Variants in SOX6 observed in about 807,000 individuals in gnomAD.
SOX6 encodes the protein transcription factor SOX-6.
Under a neutral mutation model 97.8 loss-of-function variants are expected in SOX6, and 11 were observed. The ratio of observed to expected loss-of-function variants is 0.11; its 90% CI spans 0.07 to 0.19. The LOEUF (loss-of-function observed/expected upper bound fraction) is 0.19. Ranked by LOEUF, SOX6 falls within the 10% of genes least tolerant of loss-of-function variation. The pLI, the probability that SOX6 is intolerant of heterozygous loss-of-function variation, is 1.00. For missense variants in SOX6, 810 were observed against 1,039.5 expected (o/e 0.78, Z 3.04); for synonymous variants, 360 against 371.4 (o/e 0.97, Z 0.35).
At chr11:16,048,800 G>C (rs1201120609) in intron 11 of SOX6, among the ~76,000 whole-genome samples, 1 of 151,968 alleles carries the variant, frequency 6.6e-6, no homozygotes, top group Non-Finnish European at 1.5e-5. Flanking sequence ...ATCTGTGTCT[G>C]TTTGGAAATT....
At chr11:15,997,144 T>C (rs1281919406) in intron 13 of SOX6, among the ~76,000 whole-genome samples, 2 of 152,110 alleles carry the variant, frequency 1.3e-5, no homozygotes, top group African/African-American at 4.8e-5. Flanking sequence ...AAAATGAACA[T>C]ATTTGTTGAA....
At chr11:16,462,529 A>G (rs1022596738) in intron 1 of SOX6, among the ~76,000 whole-genome samples, 14 of 152,240 alleles carry the variant, frequency 9.2e-5, no homozygotes, top group Non-Finnish European at 1.8e-4. Flanking sequence ...GGCAGAGTAA[A>G]GTTTTTTTAA....
At chr11:16,437,368 T>C (rs947991519) in intron 1 of SOX6, among the ~76,000 whole-genome samples, 1 of 152,072 alleles carries the variant, frequency 6.6e-6, no homozygotes, top group Non-Finnish European at 1.5e-5. Context: ...AGTCAGTATA[T>C]ATTTTCCCAT....
At chr11:16,496,786 T>C (rs933155871) in intron 4 of SOX6, among the ~76,000 whole-genome samples, 1 of 152,144 alleles carries the variant, frequency 6.6e-6, no homozygotes, top group Non-Finnish European at 1.5e-5. Context: ...CACACACCAC[T>C]GCTGAGGCTT....
chr11:16,145,806 A>G (rs1354453831), intron 6 of SOX6, among the ~76,000 whole-genome samples: 1 of 152,196 alleles, frequency 6.6e-6, no homozygotes, highest in Admixed American at 6.5e-5. Flanking sequence ...GATGTGAAGG[A>G]CCTCTTCAAG....
chr11:16,260,258 C>A (rs1194949094), intron 3 of SOX6, among the ~76,000 whole-genome samples: 2 of 152,076 alleles, frequency 1.3e-5, no homozygotes, highest in Non-Finnish European at 2.9e-5. Flanking sequence ...CCTCGGCCTC[C>A]CAAAGTGCTG....
intron 6 of SOX6, among the ~76,000 whole-genome samples, chr11:16,129,466 G>C (rs536341458): frequency 6.6e-6 from 1 of 151,820 alleles, no homozygotes; most frequent in Admixed American, 6.6e-5. Context: ...AAAATATACA[G>C]AGCTTTACAA....
intron 4 of SOX6, among the ~76,000 whole-genome samples, chr11:16,523,791 TA>T (rs1165433019): frequency 3.3e-5 from 5 of 152,034 alleles, no homozygotes; most frequent in Admixed American, 1.3e-4. Flanking sequence ...TAAAAAGTGA[TA>T]AAGGGGATAT....
At chr11:16,091,185 A>C (rs911000069) in intron 9 of SOX6, among the ~76,000 whole-genome samples, 3 of 152,236 alleles carry the variant, frequency 2.0e-5, no homozygotes, top group South Asian at 2.1e-4. Flanking sequence ...GAAAAGAGTC[A>C]GAAGGGTGAG....
rs747052915 is a variant in SOX6, at chr11:15,971,900, T to A, written c.*909A>T. 1.3e-5 allele frequency: 2 copies of A among 152,596 alleles called. No individual in the cohort carries two copies. Among genetic ancestry groups the A allele is most frequent in the Non-Finnish European group, 2.9e-5 (2 of 68,032 alleles). The allele number at this position is 152,596 out of a possible 1,614,324, so 9.5% of individuals were successfully genotyped here. On this transcript the variant is annotated 3_prime_UTR_variant, in exon 16 of 16. Transcript: ENST00000683767. ...AGATAAAATGTGTTAAGACTGAATGTCAGGGTTAAAGGCAAAGGGATAATG... is the reference window on the plus strand; with the variant it reads ...AGATAAAATGTGTTAAGACTGAATGACAGGGTTAAAGGCAAAGGGATAATG...
intron 1 of SOX6, among the ~76,000 whole-genome samples, chr11:16,466,353 T>A (rs1384728630): frequency 6.6e-6 from 1 of 152,204 alleles, no homozygotes; most frequent in Admixed American, 6.5e-5. Context: ...GCTGAATAGT[T>A]ACTAAAATAT....
At chr11:16,269,125 A>G (rs186077881) in intron 3 of SOX6, among the ~76,000 whole-genome samples, 352 of 150,638 alleles carry the variant, frequency 2.3e-3, no homozygotes, top group African/African-American at 8.1e-3. Context: ...TCTTTTTTAA[A>G]TGGCTACCGC....
chr11:16,145,614 C>A (rs1054984670), intron 6 of SOX6, among the ~76,000 whole-genome samples: 2 of 152,170 alleles, frequency 1.3e-5, no homozygotes, highest in Non-Finnish European at 2.9e-5. Flanking sequence ...ATCGTCTCAG[C>A]CCAAAATCTC....
At position 16,053,244 on chromosome 11, in the gene SOX6, A is replaced by G. The variant is rs147228125; in HGVS notation, c.1251+2508T>C. Among the ~76,000 whole-genome samples the G allele has an allele frequency of 3.3e-3, 502 of 152,270 alleles. 1 individual carries two copies. Among genetic ancestry groups the G allele is most frequent in the African/African-American group, 0.012 (481 of 41,570 alleles). The stretch of plus-strand genomic sequence containing the variant: ...CTTCTCATAGGAATCACTGTCCTGT[A>G]CTACTATTGTAAATGTCTGAAAACC... On this transcript the variant is annotated intron_variant, in intron 10 of 15. Coordinates refer to ENST00000683767, the MANE Select transcript of SOX6 (RefSeq NM_001367873.1).
chr11:16,688,362 A>T, intron 3 of SOX6, among the ~76,000 whole-genome samples: 1 of 151,772 alleles, frequency 6.6e-6, no homozygotes, highest in East Asian at 1.9e-4. Context: ...TTACTTAAAT[A>T]TTTTTCTTTC....
At chr11:16,587,405 C>T (rs1157950115) in intron 4 of SOX6, among the ~76,000 whole-genome samples, 1 of 152,112 alleles carries the variant, frequency 6.6e-6, no homozygotes, top group Non-Finnish European at 1.5e-5. Context: ...TTAATGAGAG[C>T]TTACAACATA....
chr11:16,730,792 A>C (rs1238421510), intron 2 of SOX6, among the ~76,000 whole-genome samples: 2 of 152,136 alleles, frequency 1.3e-5, no homozygotes, highest in African/African-American at 4.8e-5. Context: ...CTTCAAAAAA[A>C]TTCAATAAAT....
intron 3 of SOX6, chr11:16,316,072 G>A (rs898415723): frequency 2.0e-5 from 3 of 150,274 alleles, no homozygotes; most frequent in African/African-American, 4.9e-5. Context: ...TCACTATGCT[G>A]ACCCCATTGC....
intron 4 of SOX6, among the ~76,000 whole-genome samples, chr11:16,222,005 T>C (rs564181091): frequency 6.6e-6 from 1 of 152,162 alleles, no homozygotes; most frequent in South Asian, 2.1e-4. Context: ...AAGAAGAATA[T>C]TCACAATAGC....
Sources: allele counts gnomAD v4.1 joint callset (sites outside exome capture counted in the v4.1 genomes callset), GRCh38; gene constraint gnomAD v4.1.1; transcripts MANE v1.5; gene names NCBI Gene and HGNC (gene_info 2026-07-23, HGNC 2026-07-21).